SLIT2: variants seen among roughly 807,000 people sequenced by gnomAD.
The protein encoded by SLIT2 is slit homolog 2 protein.
SLIT2 carries 41 observed loss-of-function variants against 185.7 expected under a neutral mutation model. That is an observed-to-expected ratio of 0.22 (90% CI 0.17 to 0.29). SLIT2 has a LOEUF of 0.29. SLIT2 is among the 10% of genes least tolerant of loss of function. SLIT2 has a pLI of 1.00. For synonymous variants in SLIT2, 693 were observed against 680.2 expected (o/e 1.02, Z -0.29); for missense variants, 1,571 against 1,909.0 (o/e 0.82, Z 3.30).
At chr4:20,606,814 A>G (rs1393525536) in intron 33 of SLIT2, among the ~76,000 whole-genome samples, 2 of 152,222 alleles carry the variant, frequency 1.3e-5, no homozygotes, top group Non-Finnish European at 2.9e-5. Flanking sequence ...AAATGAATCA[A>G]GTTTTGCTAT....
intron 7 of SLIT2, among the ~76,000 whole-genome samples, chr4:20,487,804 T>G (rs1717389764): frequency 6.6e-6 from 1 of 152,210 alleles, no homozygotes; most frequent in Admixed American, 6.5e-5. Context: ...TTTGCTTTGG[T>G]TGGGTCATTA....
intron 33 of SLIT2, among the ~76,000 whole-genome samples, chr4:20,600,808 C>A (rs1402203595): frequency 6.6e-6 from 1 of 151,854 alleles, no homozygotes; most frequent in Non-Finnish European, 1.5e-5. Flanking sequence ...AAAAAATTTT[C>A]TTGATTTTCC....
chr4:20,562,925 A>G (rs1299801841), intron 26 of SLIT2, among the ~76,000 whole-genome samples: 1 of 151,734 alleles, frequency 6.6e-6, no homozygotes, highest in African/African-American at 2.4e-5. Flanking sequence ...GGCAGATTCT[A>G]GAATATAGCT....
At chr4:20,404,671 C>A (rs1401276945) in intron 4 of SLIT2, among the ~76,000 whole-genome samples, 2 of 151,894 alleles carry the variant, frequency 1.3e-5, no homozygotes, top group African/African-American at 4.8e-5. Flanking sequence ...CCCAGAAAAC[C>A]TAGAATTATT....
intron 4 of SLIT2, among the ~76,000 whole-genome samples, chr4:20,322,351 G>A (rs974329137): frequency 3.9e-5 from 6 of 152,066 alleles, no homozygotes; most frequent in Non-Finnish European, 7.4e-5. Context: ...ACATTGATTC[G>A]GTCCAGAAAC....
At chr4:20,284,489 G>A (rs1715082999) in intron 4 of SLIT2, among the ~76,000 whole-genome samples, 1 of 152,210 alleles carries the variant, frequency 6.6e-6, no homozygotes, top group African/African-American at 2.4e-5. Context: ...AAAGGGTAGG[G>A]AGAACAAAGG....
At position 20,361,299 on chromosome 4, in the gene SLIT2, C is replaced by T. The variant is rs186299408; in HGVS notation, c.395+92418C>T. Among the ~76,000 whole-genome samples the T allele has an allele frequency of 2.3e-3, 346 of 152,114 alleles. 3 individuals are homozygous for T. The highest frequency in any genetic ancestry group is 4.6e-3 in the South Asian group (22 of 4,824). On this transcript the variant is annotated intron_variant, in intron 4 of 36. Coordinates refer to ENST00000504154, the MANE Select transcript of SLIT2 (RefSeq NM_004787.4). Reference sequence around the variant, plus strand: ...TTTCCCTCCTTCTCTTGCTCTGCCTCGCATCCATCCATCCACCCGTCCACC... The same window carrying T: ...TTTCCCTCCTTCTCTTGCTCTGCCTTGCATCCATCCATCCACCCGTCCACC...
chr4:20,532,901 C>G (rs1350448717), intron 17 of SLIT2, among the ~76,000 whole-genome samples: 1 of 152,296 alleles, frequency 6.6e-6, no homozygotes, highest in African/African-American at 2.4e-5. Context: ...GTGCAATTCT[C>G]TCAGAGAAAT....
At chr4:20,433,404 A>C (rs541095155) in intron 4 of SLIT2, among the ~76,000 whole-genome samples, 1 of 152,372 alleles carries the variant, frequency 6.6e-6, no homozygotes, top group Admixed American at 6.5e-5. Context: ...TAACTTAAAT[A>C]AAGAAGCCCA....
In SLIT2 at chr4:20,531,977, T is replaced by C. The variant is rs188610560; in HGVS notation, c.1614-7T>C. 1.2e-5 allele frequency: 18 copies of C among 1,546,022 alleles called. No homozygotes were observed. In the African/African-American group the frequency reaches 2.4e-4, roughly 20 times the overall value. On this transcript the variant is annotated splice_polypyrimidine_tract_variant and splice_region_variant and intron_variant, in intron 16 of 36. Coordinates refer to ENST00000504154, the MANE Select transcript of SLIT2 (RefSeq NM_004787.4). ...TAAAACTTCTCTATTCCTTCTTTTT[T>C]CTTCAGGCGTCTCAATAATAATGAA...
At chr4:20,270,041 C>A (rs567656322) in intron 4 of SLIT2, among the ~76,000 whole-genome samples, 24 of 151,938 alleles carry the variant, frequency 1.6e-4, no homozygotes, top group African/African-American at 5.8e-4. Context: ...TTCCCTGCTG[C>A]TCAATTGGAC....
At chr4:20,387,772 G>T (rs967085035) in intron 4 of SLIT2, among the ~76,000 whole-genome samples, 1 of 152,070 alleles carries the variant, frequency 6.6e-6, no homozygotes, top group African/African-American at 2.4e-5. Context: ...CTAGAACCAC[G>T]TATAACTGAA....
chr4:20,529,272 T>A (rs985976047), intron 16 of SLIT2, among the ~76,000 whole-genome samples, 173 bp downstream of exon 16: 22 of 152,334 alleles, frequency 1.4e-4, no homozygotes, highest in African/African-American at 5.3e-4. Flanking sequence ...GCTACCTTCA[T>A]TCATCTTTCT....
At chr4:20,482,743 A>G (rs536075966) in intron 6 of SLIT2, among the ~76,000 whole-genome samples, 3 of 152,118 alleles carry the variant, frequency 2.0e-5, no homozygotes, top group South Asian at 4.2e-4. Context: ...AAAAATTAGC[A>G]TATGATAGAA....
At chr4:20,371,523 G>C in intron 4 of SLIT2, among the ~76,000 whole-genome samples, 1 of 152,076 alleles carries the variant, frequency 6.6e-6, no homozygotes, top group East Asian at 1.9e-4. Flanking sequence ...GGGCCGCTCT[G>C]CTCTCCACTC....
At chr4:20,366,873 C>CT (rs1329223815) in intron 4 of SLIT2, among the ~76,000 whole-genome samples, 3 of 152,072 alleles carry the variant, frequency 2.0e-5, no homozygotes, top group Non-Finnish European at 4.4e-5. Context: ...TCGCAGCTCA[C>CT]TGCAGCCTCA....
intron 11 of SLIT2, among the ~76,000 whole-genome samples, chr4:20,518,557 GTATATATATATATA>G (rs1159322360): frequency 0.05 from 887 of 17,858 alleles, 77 homozygotes; most frequent in South Asian, 0.18. Flanking sequence ...CAGCCTATAT[GTATATATATATATA>G]TATATATATA....
intron 4 of SLIT2, among the ~76,000 whole-genome samples, chr4:20,321,178 C>G (rs1429503544): frequency 1.3e-5 from 2 of 152,142 alleles, no homozygotes; most frequent in Non-Finnish European, 1.5e-5. Context: ...TTTACCAGCT[C>G]TCCTCCAAAC....
At chr4:20,297,506 A>T (rs1716596766) in intron 4 of SLIT2, among the ~76,000 whole-genome samples, 1 of 152,186 alleles carries the variant, frequency 6.6e-6, no homozygotes, top group African/African-American at 2.4e-5. Flanking sequence ...TAAATGAGAA[A>T]CCAAGTACAG....
Sources: gnomAD v4.1 joint callset for allele counts (sites outside exome capture counted in the v4.1 genomes callset) on GRCh38, gnomAD v4.1.1 for gene constraint, MANE v1.5 for transcripts, NCBI Gene and HGNC (gene_info 2026-07-23, HGNC 2026-07-21) for gene names.